CRMP1: variants seen among roughly 807,000 people sequenced by gnomAD.
The protein encoded by CRMP1 is dihydropyrimidinase-related protein 1.
Under a neutral mutation model 68.3 loss-of-function variants are expected in CRMP1, and 19 were observed. The ratio of observed to expected loss-of-function variants is 0.28; its 90% CI spans 0.19 to 0.41. CRMP1 has a LOEUF of 0.41. CRMP1 is among the 10% of genes least tolerant of loss of function. The pLI is 1.00. For synonymous variants in CRMP1, 439 were observed against 399.6 expected, an observed-to-expected ratio of 1.10 and a Z score of -1.18; for missense variants, 791 against 967.4, an observed-to-expected ratio of 0.82 and a Z score of 2.42.
chr4:5,871,969 G>A (rs773163344), intron 1 of CRMP1, among the ~76,000 whole-genome samples: 10 of 152,144 alleles, frequency 6.6e-5, no homozygotes, highest in Non-Finnish European at 1.0e-4. Flanking sequence ...TGAGGTCCAC[G>A]AACAGGTGTG....
chr4:5,822,087 T>G (rs1166387598), intron 13 of CRMP1, among the ~76,000 whole-genome samples: 1 of 152,228 alleles, frequency 6.6e-6, no homozygotes, highest in African/African-American at 2.4e-5. Flanking sequence ...GTGGTGTTCT[T>G]GTCAAAATCC....
chr4:5,849,299 C>T (rs1560500544), intron 6 of CRMP1, 93 bp downstream of exon 6: 5 of 996,762 alleles, frequency 5.0e-6, no homozygotes, highest in South Asian at 2.9e-5. Flanking sequence ...TTTCATTGTA[C>T]AGCCTCCTCA....
chr4:5,825,987 AG>A lies in CRMP1; in HGVS notation c.1804-329del. The A allele has an allele frequency of 6.1e-5, 23 of 374,918 alleles. No individual in the cohort carries two copies. The highest frequency in any genetic ancestry group is 9.6e-5 in the Non-Finnish European group (20 of 208,186). The allele number at this position is 374,918 out of a possible 1,614,324, so 23.2% of individuals were successfully genotyped here. On this transcript the variant is annotated intron_variant, in intron 12 of 13. Transcript: ENST00000324989. The surrounding 1 kb of genome is among the most constrained non-coding windows in gnomAD (Gnocchi z 4.4). ...ATGCAGTAACAAAACAGGCCTACACAGTAGCATACACGCGTGAACACGCACA... is the reference window on the plus strand; with the variant it reads ...ATGCAGTAACAAAACAGGCCTACACATAGCATACACGCGTGAACACGCACA...
intron 2 of CRMP1, among the ~76,000 whole-genome samples, chr4:5,864,103 T>C (rs1035173349): frequency 4.6e-5 from 7 of 152,188 alleles, no homozygotes; most frequent in African/African-American, 1.7e-4. Context: ...ACTCTTGATG[T>C]TGACACATAA....
intron 3 of CRMP1, among the ~76,000 whole-genome samples, chr4:5,857,674 A>G (rs1176161132): frequency 6.6e-6 from 1 of 152,198 alleles, no homozygotes; most frequent in Non-Finnish European, 1.5e-5. Context: ...AAAGAGGGTA[A>G]AGCAATTGTC....
Position 5,821,574 on chromosome 4 carries a change from A to C in CRMP1, c.*186T>G. Reference sequence around the variant, plus strand: ...GCATGAACACAACTGTGGGGCAAGGAATTTCCAAGCAAACACACCACACTA... The same window carrying C: ...GCATGAACACAACTGTGGGGCAAGGCATTTCCAAGCAAACACACCACACTA... On this transcript the variant is annotated 3_prime_UTR_variant, in exon 14 of 14. Transcript: ENST00000324989. The surrounding 1 kb of genome is among the most constrained non-coding windows in gnomAD (Gnocchi z 4.4). The C allele has an allele frequency of 1.7e-6, 1 of 605,694 alleles. No homozygotes were observed. Among genetic ancestry groups the C allele is most frequent in the Non-Finnish European group, 2.9e-6 (1 of 348,428 alleles). The allele number at this position is 605,694 out of a possible 1,614,324, so 37.5% of individuals were successfully genotyped here. A position where few individuals can be genotyped will look rare whatever the true frequency, so the allele number is the denominator to read the frequency against.
At chr4:5,868,722 T>A (rs188363327) in intron 1 of CRMP1, among the ~76,000 whole-genome samples, 8 of 152,328 alleles carry the variant, frequency 5.3e-5, no homozygotes, top group African/African-American at 1.9e-4. Flanking sequence ...TGTACAGTGA[T>A]ACGTATTTTG....
In CRMP1 at chr4:5,879,603, AAAT is replaced by A. The variant is rs1486530077; in HGVS notation, c.382-12850_382-12848del. On this transcript the variant is annotated intron_variant, in intron 1 of 13. Transcript: ENST00000324989. This position sits in a 1 kb window ranked among gnomAD's most constrained non-coding sequence, Gnocchi z 4.2. Reference sequence around the variant, plus strand: ...AATACCTACCTCACAAGATTACTTGAAATAATATGTAAAAGCACCCAATACACT... The same window carrying A: ...AATACCTACCTCACAAGATTACTTGAAATATGTAAAAGCACCCAATACACT... Among the ~76,000 whole-genome samples the A allele has an allele frequency of 6.6e-6, 1 of 152,194 alleles. No homozygotes were observed. The highest frequency in any genetic ancestry group is 2.4e-5 in the African/African-American group (1 of 41,440).
chr4:5,840,670 T>C (rs1362410612), intron 8 of CRMP1, among the ~76,000 whole-genome samples: 1 of 152,234 alleles, frequency 6.6e-6, no homozygotes, highest in African/African-American at 2.4e-5. Context: ...GATAGCCACG[T>C]GTGGTTAGTG....
chr4:5,829,374 G>C lies in CRMP1; in HGVS notation c.1624-706C>G, dbSNP rs142558289. Among the ~76,000 whole-genome samples the C allele has an allele frequency of 8.4e-3, 1,284 of 152,234 alleles. 19 individuals carry two copies. Among genetic ancestry groups the C allele is most frequent in the African/African-American group, 0.029 (1,223 of 41,536 alleles). ...ACTGCACTCCAGCCTGGGGGACAGA[G>C]CGAGACTCTGTCTCCAGAAAAAAAC... On this transcript the variant is annotated intron_variant, in intron 11 of 13. Transcript: ENST00000324989.
In CRMP1 at chr4:5,834,260, A is replaced by G. The variant is rs1720576728; in HGVS notation, c.1623+1655T>C. Among the ~76,000 whole-genome samples the G allele has an allele frequency of 6.6e-6, 1 of 152,186 alleles. No individual in the cohort carries two copies. The highest frequency in any genetic ancestry group is 6.5e-5 in the Admixed American group (1 of 15,286). Reference sequence around the variant, plus strand: ...ATATCCCCTCAAAATTCAACTGGACATTGACTTGCCATTGCAATGGTATTA... The same window carrying G: ...ATATCCCCTCAAAATTCAACTGGACGTTGACTTGCCATTGCAATGGTATTA... On this transcript the variant is annotated intron_variant, in intron 11 of 13. Coordinates refer to ENST00000324989, the MANE Select transcript of CRMP1 (RefSeq NM_001014809.3). This position sits in a 1 kb window ranked among gnomAD's most constrained non-coding sequence, Gnocchi z 4.3.
chr4:5,847,809 T>TA (rs1325561829), intron 6 of CRMP1, among the ~76,000 whole-genome samples: 2 of 152,192 alleles, frequency 1.3e-5, no homozygotes, highest in Non-Finnish European at 2.9e-5. Context: ...TCCCTATCTA[T>TA]AAAATGGGAA....
At chr4:5,886,234 T>C (rs934501789) in intron 1 of CRMP1, among the ~76,000 whole-genome samples, 3 of 152,224 alleles carry the variant, frequency 2.0e-5, no homozygotes, top group African/African-American at 7.2e-5. Flanking sequence ...AAACCACCTT[T>C]AGAGGCTGCT....
chr4:5,823,880 A>ATAACG (rs1197977821), intron 13 of CRMP1, among the ~76,000 whole-genome samples: 2 of 152,230 alleles, frequency 1.3e-5, no homozygotes, highest in African/African-American at 4.8e-5. Flanking sequence ...GTACAGCTCT[A>ATAACG]TAACGTAACA....
chr4:5,883,868 C>T lies in CRMP1; in HGVS notation c.381+8721G>A, dbSNP rs766042322. 3.9e-4 allele frequency among the ~76,000 whole-genome samples: 60 copies of T among 152,226 alleles called. No homozygotes were observed. The highest frequency in any genetic ancestry group is 4.1e-4 in the South Asian group (2 of 4,830). On this transcript the variant is annotated intron_variant, in intron 1 of 13. Transcript: ENST00000324989. The surrounding 1 kb of genome is among the most constrained non-coding windows in gnomAD (Gnocchi z 4.5). ...GGCCATGTTTATTAGAAGAAATGGG[C>T]ATTCACGGTTAAGGTGGTATAGTTA...
At chr4:5,880,515 C>G (rs1238430870) in intron 1 of CRMP1, among the ~76,000 whole-genome samples, 1 of 152,152 alleles carries the variant, frequency 6.6e-6, no homozygotes, top group Non-Finnish European at 1.5e-5. Context: ...CTCCAAGTTC[C>G]AACACCAGGT....
intron 9 of CRMP1, among the ~76,000 whole-genome samples, chr4:5,837,901 T>C (rs1425429237): frequency 6.6e-6 from 1 of 152,072 alleles, no homozygotes; most frequent in African/African-American, 2.4e-5. Context: ...GGGGACTGCA[T>C]CTAAGATCAG....
In CRMP1 at chr4:5,877,116, G is replaced by A. The variant is rs1359897535; in HGVS notation, c.382-10360C>T. ...CTGCCATGAAAACCACAGGACCCAA[G>A]GAGTGGCAGCCCCAGAATGAGAGGA... On this transcript the variant is annotated intron_variant, in intron 1 of 13. Transcript: ENST00000324989. This position sits in a 1 kb window ranked among gnomAD's most constrained non-coding sequence, Gnocchi z 4.3. Among the ~76,000 whole-genome samples, 3 of 152,172 alleles carry A rather than the reference G, an allele frequency of 2.0e-5. No homozygotes were observed. The highest frequency in any genetic ancestry group is 7.2e-5 in the African/African-American group (3 of 41,450).
chr4:5,828,157 A>T (rs1719977862), intron 12 of CRMP1: 1 of 985,280 alleles, frequency 1.0e-6, no homozygotes. Flanking sequence ...GGATCACAGC[A>T]CCTCCCGTGG....
Sources: allele counts gnomAD v4.1 joint callset (sites outside exome capture counted in the v4.1 genomes callset), GRCh38; gene constraint gnomAD v4.1.1; non-coding constraint Gnocchi (gnomAD v3.1); transcripts MANE v1.5; gene names NCBI Gene and HGNC (gene_info 2026-07-23, HGNC 2026-07-21).